The following GABRG2 variants were observed in gnomAD, a reference collection of about 807,000 sequenced individuals.
GABRG2 encodes gamma-aminobutyric acid receptor subunit gamma-2.
A neutral mutation model predicts 56.4 loss-of-function variants in GABRG2; 16 were observed. That is an observed-to-expected ratio of 0.28 (90% CI 0.19 to 0.43). The LOEUF is 0.43. Ranked by LOEUF, GABRG2 falls within the 20% of genes least tolerant of loss-of-function variation. The pLI is 1.00. For missense variants in GABRG2, 327 were observed against 582.7 expected, an observed-to-expected ratio of 0.56 and a Z score of 4.52; for synonymous variants, 208 against 205.5, an observed-to-expected ratio of 1.01 and a Z score of -0.10.
At chr5:162,109,839 A>T (rs1183404821) in intron 6 of GABRG2, among the ~76,000 whole-genome samples, 1 of 152,096 alleles carries the variant, frequency 6.6e-6, no homozygotes, top group Non-Finnish European at 1.5e-5. Flanking sequence ...TCATCCTGAG[A>T]TGTGGGCTAG....
At chr5:162,106,968 ACCT>A (rs1335650626) in intron 6 of GABRG2, among the ~76,000 whole-genome samples, 3 of 151,906 alleles carry the variant, frequency 2.0e-5, no homozygotes, top group African/African-American at 7.3e-5. Flanking sequence ...TGAGCCAAGT[ACCT>A]CTTAGTTATT....
rs1284546719 is a variant in GABRG2, at chr5:162,155,270, G to A, written c.*1902G>A. 6.6e-6 allele frequency: 1 copy of A among 152,418 alleles called. No homozygotes were observed. Among genetic ancestry groups the A allele is most frequent in the Non-Finnish European group, 1.5e-5 (1 of 67,998 alleles). 9.4% of individuals were successfully genotyped at this position (152,418 alleles called of 1,614,324 possible). ...GTTTTGAATTGTCAATATATTAAAT[G>A]TTGACTCTTTGGGAGAGTTGTTGGC... On this transcript the variant is annotated 3_prime_UTR_variant, in exon 10 of 10. Coordinates refer to ENST00000639213, the MANE Select transcript of GABRG2 (RefSeq NM_198904.4).
chr5:162,072,249 T>C (rs1758729268), intron 1 of GABRG2, among the ~76,000 whole-genome samples: 1 of 151,986 alleles, frequency 6.6e-6, no homozygotes, highest in Non-Finnish European at 1.5e-5. Flanking sequence ...CTCTTTGCTA[T>C]AAATATTATG....
In GABRG2 at chr5:162,152,143, TACTGTTTGTAA is replaced by T. The variant is rs1765419801; in HGVS notation, c.1152+394_1152+404del. 5 of 190,402 alleles carry T rather than the reference TACTGTTTGTAA, an allele frequency of 2.6e-5. No homozygotes were observed. The South Asian group carries it at 5.4e-4, about 21-fold the overall frequency. The allele number at this position is 190,402 out of a possible 1,614,324, so 11.8% of individuals were successfully genotyped here. On this transcript the variant is annotated intron_variant, in intron 9 of 9. Transcript: ENST00000639213. ...CTTAATTCAAAATGTATTGGTTCAT[TACTGTTTGTAA>T]ACTTAATGATTTCTGTTTTTCTGAA...
intron 8 of GABRG2, chr5:162,150,659 G>A (rs1445918440): frequency 6.6e-6 from 1 of 152,154 alleles, no homozygotes; most frequent in Non-Finnish European, 1.5e-5. Context: ...ATCCAACCCA[G>A]AGACTTTGGA....
chr5:162,109,517 G>T (rs1406957054), intron 6 of GABRG2, among the ~76,000 whole-genome samples: 3 of 150,118 alleles, frequency 2.0e-5, no homozygotes, highest in East Asian at 2.0e-4. Flanking sequence ...CACTACATAA[G>T]CTTCACAACA....
At chr5:162,081,327 T>C (rs1759648055) in intron 1 of GABRG2, among the ~76,000 whole-genome samples, 1 of 152,050 alleles carries the variant, frequency 6.6e-6, no homozygotes, top group Non-Finnish European at 1.5e-5. Flanking sequence ...TACAGAATAA[T>C]AGTTGTATTT....
intron 1 of GABRG2, among the ~76,000 whole-genome samples, chr5:162,082,236 G>A (rs569175799): frequency 6.6e-6 from 1 of 151,890 alleles, no homozygotes; most frequent in Admixed American, 6.6e-5. Flanking sequence ...ATGCACATTA[G>A]TGTTGCAGCC....
At chr5:162,072,859 A>G (rs1758788164) in intron 1 of GABRG2, among the ~76,000 whole-genome samples, 1 of 152,024 alleles carries the variant, frequency 6.6e-6, no homozygotes, top group Non-Finnish European at 1.5e-5. Flanking sequence ...GAATGTGGAT[A>G]TAAGTAAACA....
At chr5:162,095,350 G>A (rs1760919787) in intron 2 of GABRG2, 145 bp from the exon 3 acceptor site, 3 of 655,120 alleles carry the variant, frequency 4.6e-6, no homozygotes, top group Admixed American at 2.4e-5. Flanking sequence ...TTATTCAAAT[G>A]TGGTGAATTA....
At position 162,148,969 on chromosome 5, in the gene GABRG2, A is replaced by G. The variant is rs1402058266; in HGVS notation, c.923-139A>G. 9 of 744,552 alleles carry G rather than the reference A, an allele frequency of 1.2e-5. No individual in the cohort carries two copies. In the Admixed American group the frequency reaches 1.8e-4, roughly 15 times the overall value. The allele number at this position is 744,552 out of a possible 1,614,324, so 46.1% of individuals were successfully genotyped here. ...GCAATAAATATTTGTAAATAGAGTG[A>G]ATTAAATCCACTTATACCTCCTTTC... On this transcript the variant is annotated intron_variant, in intron 7 of 9. Transcript: ENST00000639213.
At chr5:162,123,955 T>G (rs1763144468) in intron 6 of GABRG2, among the ~76,000 whole-genome samples, 1 of 151,936 alleles carries the variant, frequency 6.6e-6, no homozygotes, top group African/African-American at 2.4e-5. Context: ...GGAAGAAAAG[T>G]GATTCTCTTT....
At chr5:162,070,500 A>G (rs1348119389) in intron 1 of GABRG2, among the ~76,000 whole-genome samples, 5 of 152,010 alleles carry the variant, frequency 3.3e-5, no homozygotes, top group Non-Finnish European at 7.4e-5. Context: ...TTTGTGGTAG[A>G]CAGTAGTAGC....
intron 6 of GABRG2, among the ~76,000 whole-genome samples, chr5:162,119,771 AT>A (rs1211914551): frequency 2.0e-5 from 3 of 151,908 alleles, no homozygotes; most frequent in African/African-American, 4.8e-5. Context: ...TCCCATTTTT[AT>A]TTTTTTCTGA....
intron 1 of GABRG2, among the ~76,000 whole-genome samples, chr5:162,090,309 C>T (rs929893622): frequency 7.1e-6 from 1 of 141,272 alleles, no homozygotes; most frequent in African/African-American, 2.6e-5. Flanking sequence ...TAGACATACA[C>T]ATACACATAC....
chr5:162,094,241 AGCTGTAGG>A, intron 2 of GABRG2: 2 of 452,268 alleles, frequency 4.4e-6, no homozygotes, highest in African/African-American at 2.0e-5. Context: ...CTCAGATAGA[AGCTGTAGG>A]AAAAAAAAAA....
chr5:162,095,585 TTGTC>T, intron 3 of GABRG2, 23 bp downstream of exon 3: 1 of 1,516,716 alleles, frequency 6.6e-7, no homozygotes, highest in Non-Finnish European at 9.1e-7. Context: ...ATAAAATTCT[TTGTC>T]TGTTTTATTA....
intron 6 of GABRG2, among the ~76,000 whole-genome samples, chr5:162,110,124 G>T (rs210984): frequency 0.8 from 121,866 of 152,040 alleles, 48,952 homozygotes; most frequent in South Asian, 0.85. Flanking sequence ...TTCCTGATTT[G>T]TATCACAAGG....
rs77488337 is a variant in GABRG2 at position 162,138,986 on chromosome 5, C to T, written c.770-3178C>T. On this transcript the variant is annotated intron_variant, in intron 6 of 9. Coordinates refer to ENST00000639213, the MANE Select transcript of GABRG2 (RefSeq NM_198904.4). Reference sequence around the variant, plus strand: ...ACTAAATATTAAATTTTAAAACTATCGTATGGTTATTTACCACTACAACTT... The same window carrying T: ...ACTAAATATTAAATTTTAAAACTATTGTATGGTTATTTACCACTACAACTT... Among the ~76,000 whole-genome samples, 656 of 151,742 alleles carry T rather than the reference C, an allele frequency of 4.3e-3. 7 individuals carry two copies. Among genetic ancestry groups the T allele is most frequent in the African/African-American group, 0.015 (631 of 41,390 alleles).
Sources: gnomAD v4.1 joint callset for allele counts (sites outside exome capture counted in the v4.1 genomes callset) on GRCh38, gnomAD v4.1.1 for gene constraint, MANE v1.5 for transcripts, NCBI Gene and HGNC (gene_info 2026-07-23, HGNC 2026-07-21) for gene names.